DNAJC2: variants seen among roughly 807,000 people sequenced by gnomAD.
DNAJC2 encodes the protein dnaJ homolog subfamily C member 2.
DNAJC2 carries 32 observed loss-of-function variants against 94.0 expected under a neutral mutation model. The ratio of observed to expected loss-of-function variants is 0.34; its 90% confidence interval spans 0.26 to 0.46. The LOEUF is 0.46. Ranked by LOEUF, DNAJC2 falls within the 20% of genes least tolerant of loss-of-function variation. DNAJC2 has a pLI of 1.00. For synonymous variants in DNAJC2, 210 were observed against 229.7 expected (o/e 0.91, Z 0.77); for missense variants, 550 against 719.5 (o/e 0.76, Z 2.69).
chr7:103,312,995 T>C lies in DNAJC2; in HGVS notation c.1743A>G (p.Ala581=). The C allele has an allele frequency of 6.2e-7, 1 of 1,614,114 alleles. No homozygotes were observed. Among genetic ancestry groups the C allele is most frequent in the Non-Finnish European group, 8.5e-7 (1 of 1,179,968 alleles). The part of the protein sequence containing the change: ...VNTPERWEKI[A]EAVPGRTKKD... ...TCTTTGTCCTGCCAGGCACCGCTTCTGCTATTTTTTCCCATCTTTCAGGTG... is the reference window on the plus strand; with the variant it reads ...TCTTTGTCCTGCCAGGCACCGCTTCCGCTATTTTTTCCCATCTTTCAGGTG... Residue 581 remains alanine, a synonymous_variant, in exon 16 of 17, where the codon GCA becomes GCG. Transcript: ENST00000379263.
chr7:103,322,613 A>G lies in DNAJC2; in HGVS notation c.831T>C (p.Asp277=). ...CTTCCTTGAACTTTTTTATCCTTGG[A>G]TCACAGCTGTATGCATTGTCTAGCA... is the stretch of plus-strand genomic sequence containing the variant. ...RTLVDNAYSC[D]PRIKKFKEEE... Residue 277 remains aspartate, a synonymous_variant, in exon 9 of 17, where the codon GAT becomes GAC. Transcript: ENST00000379263. 1.2e-6 allele frequency: 2 copies of G among 1,612,752 alleles called. No individual in the cohort carries two copies. The highest frequency in any genetic ancestry group is 1.7e-6 in the Non-Finnish European group (2 of 1,179,652).
intron 3 of DNAJC2, chr7:103,329,360 G>C (rs574203670): frequency 6.4e-6 from 1 of 156,978 alleles, no homozygotes; most frequent in South Asian, 1.8e-4. Context: ...CGGCCAAGTC[G>C]GCTCTAGTCC....
chr7:103,319,588 AGTGAT>A lies in DNAJC2; in HGVS notation c.1242+16_1242+20del. On this transcript the variant is annotated intron_variant, in intron 12 of 16. Transcript: ENST00000379263. ...GAATTAAATGCTACATATAGGTAGG[AGTGAT>A]GTGTTCCTCTATTACCTGTTTTTCC... is the stretch of plus-strand genomic sequence containing the variant. 1 of 1,610,764 alleles carries A rather than the reference AGTGAT, an allele frequency of 6.2e-7. No individual in the cohort carries two copies. The highest frequency in any genetic ancestry group is 8.5e-7 in the Non-Finnish European group (1 of 1,176,910).
chr7:103,321,205 T>C lies in DNAJC2; in HGVS notation c.1083+727A>G, dbSNP rs1056821712. Among the ~76,000 whole-genome samples, 5 of 151,606 alleles carry C rather than the reference T, an allele frequency of 3.3e-5. No homozygotes were observed. In the South Asian group the frequency reaches 6.2e-4, roughly 19 times the overall value. On this transcript the variant is annotated intron_variant, in intron 10 of 16. Transcript: ENST00000379263. ...TGAGACCCTGCCTCAACAACAACAA[T>C]AACAAAAACTTAATTAGAAAAAGTT...
intron 5 of DNAJC2, among the ~76,000 whole-genome samples, chr7:103,325,258 A>G (rs778696274): frequency 6.6e-6 from 1 of 152,176 alleles, no homozygotes; most frequent in Non-Finnish European, 1.5e-5. Flanking sequence ...AGTCTGGCCA[A>G]TATGGTGAAA....
At chr7:103,323,401 A>G (rs1427247575) in intron 7 of DNAJC2, among the ~76,000 whole-genome samples, 197 bp downstream of exon 7, 3 of 152,222 alleles carry the variant, frequency 2.0e-5, no homozygotes, top group Admixed American at 6.5e-5. Context: ...CAATTTCTTA[A>G]GCATATCCTA....
Position 103,312,448 on chromosome 7 carries a change from T to TCTGAG in DNAJC2, c.*116_*120dup. 1 of 1,522,206 alleles carries TCTGAG rather than the reference T, an allele frequency of 6.6e-7. No individual in the cohort carries two copies. The highest frequency in any genetic ancestry group is 1.3e-5 in the South Asian group (1 of 76,146). 94.3% of individuals were successfully genotyped at this position (1,522,206 alleles called of 1,614,324 possible). ...TTGTATTAATGGTCAGTCTTTGTTCTCTGAGAAATTATGTTGGAAGCAGCA... is the reference window on the plus strand; with the variant it reads ...TTGTATTAATGGTCAGTCTTTGTTCTCTGAGCTGAGAAATTATGTTGGAAGCAGCA... On this transcript the variant is annotated 3_prime_UTR_variant, in exon 17 of 17. Coordinates refer to ENST00000379263, the MANE Select transcript of DNAJC2 (RefSeq NM_014377.3).
chr7:103,313,804 G>A (rs969466889), intron 15 of DNAJC2: 27 of 985,286 alleles, frequency 2.7e-5, no homozygotes, highest in Non-Finnish European at 3.1e-5. Flanking sequence ...AGGATGTTAA[G>A]TATTACACAG....
At chr7:103,327,414 G>T in intron 4 of DNAJC2, 1 of 967,928 alleles carries the variant, frequency 1.0e-6, no homozygotes, top group Non-Finnish European at 1.5e-6. Context: ...TAGGTTTGGG[G>T]CAGGGCCTGA....
rs780809799 is a variant in DNAJC2 at position 103,312,950 on chromosome 7, G to A, written c.1788C>T (p.Tyr596=). 4.3e-5 allele frequency: 70 copies of A among 1,610,574 alleles called. No individual in the cohort carries two copies. Among genetic ancestry groups the A allele is most frequent in the Non-Finnish European group, 5.6e-5 (66 of 1,179,134 alleles). The change falls in exon 16 of 17, where the codon TAC becomes TAT. Residue 596 remains tyrosine (Y), a synonymous_variant. Transcript: ENST00000379263. ...GRTKKDCMKR[Y]KELVEMVKAK... is the part of the protein sequence containing the mutation. ...TATAAACGCTTAAGTCTGCAACCTT[G>A]TATCGTTTCATGCAGTCCTTCTTTG...
intron 3 of DNAJC2, among the ~76,000 whole-genome samples, chr7:103,330,007 T>C (rs1292557266): frequency 6.6e-6 from 1 of 152,198 alleles, no homozygotes; most frequent in Non-Finnish European, 1.5e-5. Flanking sequence ...GTAATAGCAT[T>C]AATGCCACAT....
At position 103,338,475 on chromosome 7, in the gene DNAJC2, T is replaced by C. The variant is rs1241046440; in HGVS notation, c.256-664A>G. ...CCACGCCTGGCTAATTTGTGTATTT[T>C]TAGTAGAGACAGGGTTTCACCTTGT... On this transcript the variant is annotated intron_variant, in intron 2 of 16. Coordinates refer to ENST00000379263, the MANE Select transcript of DNAJC2 (RefSeq NM_014377.3). Among the ~76,000 whole-genome samples, 5 of 151,416 alleles carry C rather than the reference T, an allele frequency of 3.3e-5. No individual in the cohort carries two copies. In the East Asian group the frequency reaches 1.0e-3, roughly 30 times the overall value.
intron 12 of DNAJC2, among the ~76,000 whole-genome samples, chr7:103,317,598 C>CCT (rs1818141003): frequency 6.6e-6 from 1 of 152,124 alleles, no homozygotes; most frequent in South Asian, 2.1e-4. Context: ...ATAATGCTAA[C>CCT]CTTGAAAAAT....
rs534160830 is a variant in DNAJC2 at position 103,316,320 on chromosome 7, T to C, written c.1428-232A>G. 8.6e-6 allele frequency: 3 copies of C among 349,650 alleles called. No homozygotes were observed. In the South Asian group the frequency reaches 2.7e-4, roughly 31 times the overall value. The allele number at this position is 349,650 out of a possible 1,614,324, so 21.7% of individuals were successfully genotyped here. ...GTTTTAAGTCCATACATCTTACAGATTTGGTGTACAAATCAACATAAATAA... is the reference window on the plus strand; with the variant it reads ...GTTTTAAGTCCATACATCTTACAGACTTGGTGTACAAATCAACATAAATAA... On this transcript the variant is annotated intron_variant, in intron 13 of 16. Coordinates refer to ENST00000379263, the MANE Select transcript of DNAJC2 (RefSeq NM_014377.3).
chr7:103,326,071 T>C (rs556267716), intron 5 of DNAJC2, among the ~76,000 whole-genome samples: 4 of 152,068 alleles, frequency 2.6e-5, no homozygotes, highest in South Asian at 2.1e-4. Context: ...CACTGTCTCC[T>C]GGGTTCAAGC....
At chr7:103,341,220 A>C (rs1159446919) in intron 2 of DNAJC2, among the ~76,000 whole-genome samples, 1 of 152,224 alleles carries the variant, frequency 6.6e-6, no homozygotes, top group East Asian at 1.9e-4. Flanking sequence ...CCTTTCAAGC[A>C]ATTTCCTGTA....
intron 3 of DNAJC2, among the ~76,000 whole-genome samples, chr7:103,329,795 G>A (rs951373249): frequency 6.6e-6 from 1 of 152,158 alleles, no homozygotes; most frequent in African/African-American, 2.4e-5. Context: ...TCCAAAAACT[G>A]TGTAATTTTT....
In DNAJC2 at chr7:103,323,635, A is replaced by T. The variant is rs1273143442; in HGVS notation, c.682T>A (p.Ser228Thr). ...WYNFDSWREF[S>T]YLDEEEKEKA... ...TCTTTTTCTTCTTCATCTAAATAAG[A>T]AAATTCTCTCCAAGAATCAAAATTA... is the stretch of plus-strand genomic sequence containing the variant. The change falls in exon 7 of 17, where the codon TCT becomes ACT. Residue 228 changes from serine to threonine, a missense_variant. Physicochemically the swap from Ser to Thr is moderately conservative, Grantham distance 58. Coordinates refer to ENST00000379263, the MANE Select transcript of DNAJC2 (RefSeq NM_014377.3). 1.4e-6 allele frequency: 2 copies of T among 1,459,832 alleles called. No homozygotes were observed. Among genetic ancestry groups the T allele is most frequent in the African/African-American group, 2.8e-5 (2 of 71,334 alleles). The allele number at this position is 1,459,832 out of a possible 1,614,324, so 90.4% of individuals were successfully genotyped here.
At chr7:103,340,431 A>G (rs1819333087) in intron 2 of DNAJC2, among the ~76,000 whole-genome samples, 1 of 152,214 alleles carries the variant, frequency 6.6e-6, no homozygotes, top group Non-Finnish European at 1.5e-5. Context: ...TTAGTCCTCT[A>G]AACAACCAAT....
Sources: allele counts gnomAD v4.1 joint callset (sites outside exome capture counted in the v4.1 genomes callset), GRCh38; gene constraint gnomAD v4.1.1; transcripts MANE v1.5; gene names NCBI Gene and HGNC (gene_info 2026-07-23, HGNC 2026-07-21).